Variants in FER observed in about 807,000 individuals in gnomAD.
FER encodes the protein FER tyrosine kinase.
FER carries 63 observed loss-of-function variants against 111.0 expected under a neutral mutation model. The ratio of observed to expected loss-of-function variants is 0.57; its 90% CI spans 0.46 to 0.70. FER has a LOEUF of 0.70. Among genes scored for constraint, FER ranks in the 30% least tolerant of loss-of-function variants. The pLI is 0.00. For missense variants in FER, 914 were observed against 954.0 expected (o/e 0.96, Z 0.55); for synonymous variants, 327 against 313.9 (o/e 1.04, Z -0.44).
At chr5:109,164,925 T>C (rs1224683856) in intron 17 of FER, among the ~76,000 whole-genome samples, 1 of 152,194 alleles carries the variant, frequency 6.6e-6, no homozygotes, top group Admixed American at 6.5e-5. Flanking sequence ...TAGTCGTAAT[T>C]GTCTCACTTC....
intron 16 of FER, among the ~76,000 whole-genome samples, chr5:109,069,590 A>AT (rs1397968399): frequency 2.0e-5 from 3 of 152,124 alleles, no homozygotes; most frequent in Non-Finnish European, 4.4e-5. Flanking sequence ...AATTTTAATA[A>AT]TTGAGGTGGG....
At chr5:108,920,658 C>T (rs1752904214) in intron 10 of FER, among the ~76,000 whole-genome samples, 1 of 152,140 alleles carries the variant, frequency 6.6e-6, no homozygotes, top group South Asian at 2.1e-4. Flanking sequence ...ATAACATTTC[C>T]ATTGTGATCA....
chr5:108,833,237 T>A (rs1760233485), intron 4 of FER, among the ~76,000 whole-genome samples: 1 of 152,172 alleles, frequency 6.6e-6, no homozygotes, highest in Non-Finnish European at 1.5e-5. Context: ...TTGAGACTTT[T>A]AAAAATAAAT....
intron 17 of FER, among the ~76,000 whole-genome samples, chr5:109,116,073 C>A (rs557161636): frequency 1.2e-3 from 175 of 152,104 alleles, no homozygotes; most frequent in African/African-American, 4.0e-3. Flanking sequence ...GGAAATATTT[C>A]TTTCAACAGA....
chr5:108,816,356 G>A (rs1758282229), intron 3 of FER, among the ~76,000 whole-genome samples: 1 of 152,244 alleles, frequency 6.6e-6, no homozygotes, highest in South Asian at 2.1e-4. Flanking sequence ...TCCACATGTG[G>A]CATTTCAACT....
At chr5:108,941,784 C>T (rs766614110) in intron 10 of FER, among the ~76,000 whole-genome samples, 6 of 152,076 alleles carry the variant, frequency 3.9e-5, no homozygotes, top group Non-Finnish European at 5.9e-5. Context: ...TTACAAAAAA[C>T]GTATTTTGGT....
chr5:108,752,398 G>A (rs1433940219), intron 1 of FER, among the ~76,000 whole-genome samples: 1 of 151,938 alleles, frequency 6.6e-6, no homozygotes, highest in Non-Finnish European at 1.5e-5. Context: ...CAATTATTGA[G>A]ATTTTATGGT....
chr5:108,985,957 G>A (rs1184174715), intron 13 of FER, among the ~76,000 whole-genome samples: 2 of 152,176 alleles, frequency 1.3e-5, no homozygotes, highest in African/African-American at 2.4e-5. Flanking sequence ...ATACCCAATG[G>A]TGGGATTGCT....
intron 17 of FER, among the ~76,000 whole-genome samples, chr5:109,170,010 C>T (rs1168732114): frequency 4.6e-5 from 7 of 152,128 alleles, no homozygotes; most frequent in Non-Finnish European, 7.3e-5. Context: ...GAACATTTTG[C>T]AGACTATAAA....
chr5:109,139,382 G>A (rs1414433719), intron 17 of FER, among the ~76,000 whole-genome samples: 9 of 118,368 alleles, frequency 7.6e-5, no homozygotes, highest in African/African-American at 2.7e-4. Flanking sequence ...GCAGAGTCTC[G>A]CTCTGTTGCC....
At chr5:108,753,133 A>G (rs1444361125) in intron 1 of FER, among the ~76,000 whole-genome samples, 1 of 152,100 alleles carries the variant, frequency 6.6e-6, no homozygotes, top group African/African-American at 2.4e-5. Flanking sequence ...AGGAAGTATT[A>G]AACTGACTTT....
chr5:109,017,941 AC>A (rs1405400290), intron 13 of FER, among the ~76,000 whole-genome samples: 2 of 151,898 alleles, frequency 1.3e-5, no homozygotes, highest in African/African-American at 4.8e-5. Flanking sequence ...TTCTATAGTA[AC>A]AAACCCTTTG....
At chr5:109,062,370 C>T (rs2149969121) in intron 16 of FER, among the ~76,000 whole-genome samples, 1 of 151,910 alleles carries the variant, frequency 6.6e-6, no homozygotes, top group African/African-American at 2.4e-5. Flanking sequence ...ACTAAAAATG[C>T]AAAAAATTAG....
At chr5:108,777,678 TG>T (rs1407794168) in intron 2 of FER, among the ~76,000 whole-genome samples, 15 of 152,158 alleles carry the variant, frequency 9.9e-5, no homozygotes, top group Non-Finnish European at 2.1e-4. Context: ...TACCTGAGAC[TG>T]GGAATTTTAC....
chr5:108,793,130 G>A (rs1755569404), intron 2 of FER, among the ~76,000 whole-genome samples: 1 of 151,960 alleles, frequency 6.6e-6, no homozygotes, highest in Non-Finnish European at 1.5e-5. Flanking sequence ...TATATTTTTT[G>A]TTCCCATTAA....
intron 16 of FER, among the ~76,000 whole-genome samples, chr5:109,081,631 T>G (rs62375529): frequency 6.6e-6 from 1 of 151,892 alleles, no homozygotes; most frequent in African/African-American, 2.4e-5. Flanking sequence ...AGCAGTTACT[T>G]AGGAGGAAAC....
At chr5:108,895,024 A>G (rs1224914634) in intron 9 of FER, among the ~76,000 whole-genome samples, 1 of 152,168 alleles carries the variant, frequency 6.6e-6, no homozygotes, top group African/African-American at 2.4e-5. Context: ...TGTTGTAGTT[A>G]GAGAATCAGT....
At chr5:108,783,878 G>A (rs1409263340) in intron 2 of FER, among the ~76,000 whole-genome samples, 1 of 152,056 alleles carries the variant, frequency 6.6e-6, no homozygotes, top group East Asian at 1.9e-4. Flanking sequence ...GGAGAGTCTT[G>A]GACATGTGGA....
rs1219281644 is a variant in FER, at chr5:108,962,238, CAT to C, written c.1656+2894_1656+2895del. ...GCACTGCCTTCAGAGCTTGTGTAAA[CAT>C]ATGGAAGATGGAAGAAATTTTTGTA... On this transcript the variant is annotated intron_variant, in intron 13 of 19. Transcript: ENST00000281092. 2.0e-5 allele frequency among the ~76,000 whole-genome samples: 3 copies of C among 152,264 alleles called. No homozygotes were observed. In the East Asian group the frequency reaches 5.8e-4, roughly 29 times the overall value.
Sources: allele counts gnomAD v4.1 joint callset (sites outside exome capture counted in the v4.1 genomes callset), GRCh38; gene constraint gnomAD v4.1.1; transcripts MANE v1.5; gene names NCBI Gene and HGNC (gene_info 2026-07-23, HGNC 2026-07-21).